Variants in IGSF5 observed in about 807,000 individuals in gnomAD.
The protein encoded by IGSF5 is immunoglobulin superfamily member 5, also known as immunoglobulin superfamily 5 like.
Under a neutral mutation model 39.4 loss-of-function variants are expected in IGSF5, and 41 were observed. That is an observed-to-expected ratio of 1.04 (90% CI 0.81 to 1.35). The LOEUF (loss-of-function observed/expected upper bound fraction) is 1.35, where lower values mean the gene tolerates loss of function less well. IGSF5 is among the 40% of genes most tolerant of loss of function. The pLI is 0.00. For missense variants in IGSF5, 487 were observed against 494.6 expected, an observed-to-expected ratio of 0.98 and a Z score of 0.15; for synonymous variants, 183 against 175.3, an observed-to-expected ratio of 1.04 and a Z score of -0.34.
chr21:39,760,438 G>T (rs2080055283), intron 2 of IGSF5, among the ~76,000 whole-genome samples: 1 of 152,198 alleles, frequency 6.6e-6, no homozygotes, highest in African/African-American at 2.4e-5. Flanking sequence ...TGCATTGCAG[G>T]CCGGTCACTG....
intron 1 of IGSF5, 49 bp downstream of exon 1, chr21:39,745,575 C>T (rs747069183): frequency 2.2e-5 from 16 of 714,876 alleles, no homozygotes; most frequent in Non-Finnish European, 3.4e-5. Flanking sequence ...TCTGGCTGAG[C>T]CATGATCTCA....
chr21:39,772,217 G>A (rs1462206105), intron 4 of IGSF5, among the ~76,000 whole-genome samples: 1 of 152,170 alleles, frequency 6.6e-6, no homozygotes, highest in African/African-American at 2.4e-5. Context: ...CTATTGTAAA[G>A]GCAAGGTGAC....
At chr21:39,783,505 A>G (rs1251713658) in intron 5 of IGSF5, among the ~76,000 whole-genome samples, 1 of 152,212 alleles carries the variant, frequency 6.6e-6, no homozygotes. Flanking sequence ...GACCATTTAC[A>G]TGTCTAAGAA....
chr21:39,723,296 A>G, the IGSF5 span, among the ~76,000 whole-genome samples: 1 of 152,256 alleles, frequency 6.6e-6, no homozygotes, highest in East Asian at 1.9e-4. Context: ...TGTTCAGGAG[A>G]GTCTGCCCTC....
At chr21:39,746,474 C>G (rs2079975509) in intron 2 of IGSF5, among the ~76,000 whole-genome samples, 176 bp downstream of exon 2, 1 of 152,168 alleles carries the variant, frequency 6.6e-6, no homozygotes, top group African/African-American at 2.4e-5. Context: ...ATCTTCAGCT[C>G]AAAATAATTT....
At chr21:39,780,472 G>C (rs774337462) in intron 5 of IGSF5, among the ~76,000 whole-genome samples, 33 of 152,252 alleles carry the variant, frequency 2.2e-4, no homozygotes, top group Non-Finnish European at 4.1e-4. Flanking sequence ...ATGTCATTTA[G>C]ATGCTATGGT....
intron 5 of IGSF5, among the ~76,000 whole-genome samples, chr21:39,786,669 T>G (rs1242291744): frequency 6.6e-6 from 1 of 151,996 alleles, no homozygotes; most frequent in South Asian, 2.1e-4. Flanking sequence ...GTATGTTTAT[T>G]GTGGCATTAT....
intron 8 of IGSF5, among the ~76,000 whole-genome samples, chr21:39,798,514 A>C (rs1014349800): frequency 5.3e-5 from 8 of 152,166 alleles, no homozygotes; most frequent in Non-Finnish European, 1.0e-4. Flanking sequence ...TAGGAGGAGC[A>C]GCAGGTTTCC....
At chr21:39,784,265 A>G (rs2146289560) in intron 5 of IGSF5, among the ~76,000 whole-genome samples, 1 of 152,358 alleles carries the variant, frequency 6.6e-6, no homozygotes, top group East Asian at 1.9e-4. Flanking sequence ...AGATTTTAAT[A>G]GAGATGTGAC....
upstream of IGSF5, among the ~76,000 whole-genome samples, chr21:39,743,601 A>T (rs1621232): frequency 5.5e-5 from 8 of 146,522 alleles, no homozygotes; most frequent in South Asian, 6.5e-4. Flanking sequence ...TGGGCTGAAG[A>T]GGGGGTTCTT....
At chr21:39,788,499 T>C (rs1327290407) in intron 6 of IGSF5, among the ~76,000 whole-genome samples, 6 of 152,210 alleles carry the variant, frequency 3.9e-5, no homozygotes, top group Admixed American at 3.9e-4. Context: ...CTGTGCACCA[T>C]GACTATCATC....
At chr21:39,754,717 A>C (rs960271907) in intron 2 of IGSF5, among the ~76,000 whole-genome samples, 4 of 152,238 alleles carry the variant, frequency 2.6e-5, no homozygotes, top group African/African-American at 9.6e-5. Context: ...CTATAATGAA[A>C]TGAAAGACAA....
chr21:39,737,437 A>G, the IGSF5 span, among the ~76,000 whole-genome samples: 3 of 152,076 alleles, frequency 2.0e-5, no homozygotes, highest in African/African-American at 4.8e-5. Context: ...TACACAAGAC[A>G]GACCCCCTGT....
intron 2 of IGSF5, among the ~76,000 whole-genome samples, chr21:39,748,791 G>T (rs532085133): frequency 7.1e-6 from 1 of 141,248 alleles, no homozygotes; most frequent in African/African-American, 2.7e-5. Context: ...TATTTTAATG[G>T]AGTGGTTGTG....
At chr21:39,728,557 G>A in the IGSF5 span, among the ~76,000 whole-genome samples, 2 of 152,134 alleles carry the variant, frequency 1.3e-5, no homozygotes, top group African/African-American at 4.8e-5. Context: ...GCTGCCCAGT[G>A]GTGGTCATGG....
intron 2 of IGSF5, among the ~76,000 whole-genome samples, chr21:39,764,550 G>C (rs2080076644): frequency 6.6e-6 from 1 of 152,184 alleles, no homozygotes; most frequent in South Asian, 2.1e-4. Flanking sequence ...ATGTTAGCCA[G>C]GCTGGTCTTG....
intron 5 of IGSF5, among the ~76,000 whole-genome samples, chr21:39,786,128 G>A (rs907475385): frequency 2.6e-5 from 4 of 151,640 alleles, no homozygotes; most frequent in African/African-American, 7.3e-5. Context: ...AAACTAAAGA[G>A]CTTCTGCACA....
At chr21:39,713,303 T>C in the IGSF5 span, among the ~76,000 whole-genome samples, 1 of 152,176 alleles carries the variant, frequency 6.6e-6, no homozygotes, top group Non-Finnish European at 1.5e-5. Flanking sequence ...ATGAGAATTA[T>C]TTGCAGATTG....
At chr21:39,758,220 C>T (rs1431991851) in intron 2 of IGSF5, among the ~76,000 whole-genome samples, 1 of 152,136 alleles carries the variant, frequency 6.6e-6, no homozygotes, top group Non-Finnish European at 1.5e-5. Context: ...GAACACACAA[C>T]TGCCAGAAGG....
Sources: gnomAD v4.1 joint callset for allele counts (sites outside exome capture counted in the v4.1 genomes callset) on GRCh38, gnomAD v4.1.1 for gene constraint, MANE v1.5 for transcripts, NCBI Gene and HGNC (gene_info 2026-07-23, HGNC 2026-07-21) for gene names.